UBE2R2: variants seen among roughly 807,000 people sequenced by gnomAD.
The protein encoded by UBE2R2 is ubiquitin conjugating enzyme E2 R2, also known as ubiquitin-conjugating enzyme E2 R2.
In UBE2R2, 1 loss-of-function variant was observed where a neutral mutation model predicts 27.8. The ratio of observed to expected loss-of-function variants is 0.04; its 90% CI spans 0.01 to 0.17. The LOEUF (loss-of-function observed/expected upper bound fraction) is 0.17, where lower values mean the gene tolerates loss of function less well. Ranked by LOEUF, UBE2R2 falls within the 10% of genes least tolerant of loss-of-function variation. The pLI is 1.00. For synonymous variants in UBE2R2, 106 were observed against 113.3 expected, an observed-to-expected ratio of 0.94 and a Z score of 0.41; for missense variants, 100 against 291.0, an observed-to-expected ratio of 0.34 and a Z score of 4.78.
chr9:33,841,656 A>G (rs1439590093), intron 1 of UBE2R2, among the ~76,000 whole-genome samples: 1 of 152,148 alleles, frequency 6.6e-6, no homozygotes, highest in Non-Finnish European at 1.5e-5. Flanking sequence ...ATATATGTAT[A>G]TGTGTATATC....
At chr9:33,858,035 A>G (rs1020742890) in intron 1 of UBE2R2, among the ~76,000 whole-genome samples, 9 of 152,254 alleles carry the variant, frequency 5.9e-5, no homozygotes, top group Middle Eastern at 3.4e-3. Flanking sequence ...CCTAATGGAG[A>G]GTTTTTTCCC....
intron 1 of UBE2R2, among the ~76,000 whole-genome samples, chr9:33,852,497 C>T (rs987848548): frequency 8.5e-5 from 13 of 152,100 alleles, no homozygotes; most frequent in African/African-American, 3.1e-4. Context: ...GCAGCAATTT[C>T]AGGTATGGTT....
chr9:33,892,423 G>C (rs549994131), intron 2 of UBE2R2, among the ~76,000 whole-genome samples: 1 of 152,050 alleles, frequency 6.6e-6, no homozygotes, highest in East Asian at 1.9e-4. Flanking sequence ...AGCAGTTTTG[G>C]GTTCATTACA....
At position 33,863,277 on chromosome 9, in the gene UBE2R2, A is replaced by G. The variant is rs942677730; in HGVS notation, c.178-23604A>G. On this transcript the variant is annotated intron_variant, in intron 1 of 4. Coordinates refer to ENST00000263228, the MANE Select transcript of UBE2R2 (RefSeq NM_017811.4). ...GGTGGCTCACACCTGTAATCCCAGC[A>G]CTTTTGGAGCCCAGGGCAGATTCAT... 2.6e-5 allele frequency among the ~76,000 whole-genome samples: 4 copies of G among 151,856 alleles called. 1 individual carries two copies. The highest frequency in any genetic ancestry group is 2.6e-4 in the Admixed American group (4 of 15,214).
Position 33,898,478 on chromosome 9 carries a change from A to T in UBE2R2, c.265-1696A>T, listed in dbSNP as rs190073852. Reference sequence around the variant, plus strand: ...TAATATTTTGTATTAATTTTATTTTAAAAATATTTTATATTGATAATGGTT... The same window carrying T: ...TAATATTTTGTATTAATTTTATTTTTAAAATATTTTATATTGATAATGGTT... On this transcript the variant is annotated intron_variant, in intron 2 of 4. Transcript: ENST00000263228. Among the ~76,000 whole-genome samples, 62 of 151,454 alleles carry T rather than the reference A, an allele frequency of 4.1e-4. 1 individual carries two copies. The highest frequency in any genetic ancestry group is 1.4e-3 in the African/African-American group (58 of 41,520).
At chr9:33,833,503 GT>G (rs778669884) in intron 1 of UBE2R2, among the ~76,000 whole-genome samples, 2 of 152,148 alleles carry the variant, frequency 1.3e-5, no homozygotes, top group Non-Finnish European at 2.9e-5. Context: ...TGATATGGTC[GT>G]TTCTTGTAAG....
At chr9:33,879,190 TGC>T (rs1263525497) in intron 1 of UBE2R2, among the ~76,000 whole-genome samples, 2 of 152,136 alleles carry the variant, frequency 1.3e-5, no homozygotes, top group Non-Finnish European at 2.9e-5. Flanking sequence ...TCCATATTTG[TGC>T]CACTGTACTC....
chr9:33,829,793 G>GTTTT (rs36079457), intron 1 of UBE2R2, among the ~76,000 whole-genome samples: 14 of 97,132 alleles, frequency 1.4e-4, no homozygotes, highest in African/African-American at 2.7e-4. Context: ...TAGTGCAATC[G>GTTTT]TTTTTTTTTT....
chr9:33,893,135 T>C (rs573259006), intron 2 of UBE2R2, among the ~76,000 whole-genome samples: 2 of 152,276 alleles, frequency 1.3e-5, no homozygotes, highest in Admixed American at 6.5e-5. Context: ...GTTCATAATG[T>C]TGTACAACTA....
At chr9:33,890,311 C>T (rs187913079) in intron 2 of UBE2R2, among the ~76,000 whole-genome samples, 9 of 152,276 alleles carry the variant, frequency 5.9e-5, no homozygotes, top group Admixed American at 4.6e-4. Context: ...ATAGGCCGGG[C>T]GCAGTGGCTC....
At chr9:33,875,131 TA>T (rs546429774) in intron 1 of UBE2R2, among the ~76,000 whole-genome samples, 10 of 152,198 alleles carry the variant, frequency 6.6e-5, no homozygotes, top group African/African-American at 2.4e-4. Context: ...TTTTACTTTT[TA>T]AAAAACTTTA....
upstream of UBE2R2, among the ~76,000 whole-genome samples, chr9:33,816,919 C>CT (rs936218687): frequency 2.0e-5 from 3 of 152,236 alleles, no homozygotes; most frequent in Non-Finnish European, 4.4e-5. Context: ...GTCCCCGCTG[C>CT]TTCTGGGATC....
chr9:33,911,951 T>C lies in UBE2R2; in HGVS notation c.363-13T>C, dbSNP rs751076119. The C allele has an allele frequency of 1.2e-6, 2 of 1,606,466 alleles. No homozygotes were observed. Among genetic ancestry groups the C allele is most frequent in the East Asian group, 4.5e-5 (2 of 44,790 alleles). ...ATGGGTATTCATAGCTGATCCTTTT[T>C]TCCTGTTTCTAGGACTATCCTATTA... On this transcript the variant is annotated splice_polypyrimidine_tract_variant and intron_variant, in intron 3 of 4. Transcript: ENST00000263228.
At chr9:33,867,731 T>A (rs1672718821) in intron 1 of UBE2R2, among the ~76,000 whole-genome samples, 1 of 152,212 alleles carries the variant, frequency 6.6e-6, no homozygotes. Context: ...GCTTCCTGGG[T>A]ACACGCCATT....
chr9:33,821,870 C>T (rs1825987088), intron 1 of UBE2R2, among the ~76,000 whole-genome samples: 1 of 152,102 alleles, frequency 6.6e-6, no homozygotes, highest in African/African-American at 2.4e-5. Flanking sequence ...CTGCCCATCT[C>T]AGCCTCCCAA....
chr9:33,869,562 G>C (rs1399446873), intron 1 of UBE2R2, among the ~76,000 whole-genome samples: 1 of 151,404 alleles, frequency 6.6e-6, no homozygotes, highest in African/African-American at 2.4e-5. Context: ...TGATTCTCCT[G>C]TTTCAGCCTC....
chr9:33,861,984 G>A lies in UBE2R2; in HGVS notation c.178-24897G>A, dbSNP rs1821249340. On this transcript the variant is annotated intron_variant, in intron 1 of 4. Coordinates refer to ENST00000263228, the MANE Select transcript of UBE2R2 (RefSeq NM_017811.4). ...TTCTCCTGCCTCAGCCTCCCATGTA[G>A]CTGGGATTATAGGCGCCTGCCACCA... Among the ~76,000 whole-genome samples the A allele has an allele frequency of 4.6e-5, 7 of 151,334 alleles. No individual in the cohort carries two copies. In the South Asian group the frequency reaches 1.5e-3, roughly 32 times the overall value.
chr9:33,907,891 C>T (rs757678677), intron 3 of UBE2R2, among the ~76,000 whole-genome samples: 12 of 152,102 alleles, frequency 7.9e-5, no homozygotes, highest in Admixed American at 5.2e-4. Flanking sequence ...TGCAATGGCA[C>T]GATCTCGGCT....
chr9:33,919,440 C>A lies in UBE2R2; in HGVS notation c.*2203C>A, dbSNP rs963427815. On this transcript the variant is annotated 3_prime_UTR_variant, in exon 5 of 5. Transcript: ENST00000263228. ...CAGCACCCTGGCATTGCGGGAGGTG[C>A]TCTGCTGCACAGCTGTTCCATCAGG... The A allele has an allele frequency of 6.6e-6, 1 of 152,232 alleles. No individual in the cohort carries two copies. Among genetic ancestry groups the A allele is most frequent in the African/African-American group, 2.4e-5 (1 of 41,452 alleles). The allele number at this position is 152,232 out of a possible 1,614,324, so 9.4% of individuals were successfully genotyped here. A position where few individuals can be genotyped will look rare whatever the true frequency, so the allele number is the denominator to read the frequency against.
Sources: gnomAD v4.1 joint callset for allele counts (sites outside exome capture counted in the v4.1 genomes callset) on GRCh38, gnomAD v4.1.1 for gene constraint, MANE v1.5 for transcripts, NCBI Gene and HGNC (gene_info 2026-07-23, HGNC 2026-07-21) for gene names.